Variants in SOX5 observed in about 807,000 individuals in gnomAD.
SOX5 encodes transcription factor SOX-5.
SOX5 carries 9 observed loss-of-function variants against 92.0 expected under a neutral mutation model. The ratio of observed to expected loss-of-function variants is 0.10; its 90% CI spans 0.06 to 0.17. The LOEUF is 0.17. Among genes scored for constraint, SOX5 ranks in the 10% least tolerant of loss-of-function variants. The pLI, the probability that SOX5 is intolerant of heterozygous loss-of-function variation, is 1.00. For synonymous variants in SOX5, 344 were observed against 336.3 expected (o/e 1.02, Z -0.25); for missense variants, 642 against 944.5 (o/e 0.68, Z 4.20).
chr12:24,521,448 T>A (rs1010874348), intron 1 of SOX5, among the ~76,000 whole-genome samples: 3 of 152,160 alleles, frequency 2.0e-5, no homozygotes, highest in Non-Finnish European at 4.4e-5. Flanking sequence ...TAAAATACTA[T>A]GAATCAAATG....
intron 2 of SOX5, among the ~76,000 whole-genome samples, chr12:24,309,211 A>G (rs1595442598): frequency 6.6e-6 from 1 of 152,230 alleles, no homozygotes; most frequent in East Asian, 1.9e-4. Context: ...AATAGAAACA[A>G]CCGGCTTTTC....
chr12:24,098,629 G>T lies in SOX5; in HGVS notation c.-2+114714C>A, dbSNP rs573454575. ...GAATATCAGAATAAATCTAGAATAA[G>T]AACAAAAGCAAAATTTGCCCTAGTA... On this transcript the variant is annotated intron_variant, in intron 4 of 4. Coordinates refer to the SOX5 transcript ENST00000446891. 3.3e-5 allele frequency among the ~76,000 whole-genome samples: 5 copies of T among 152,198 alleles called. No homozygotes were observed. In the South Asian group the frequency reaches 1.0e-3, roughly 32 times the overall value.
chr12:24,131,661 T>G (rs1175005296), intron 4 of SOX5, among the ~76,000 whole-genome samples: 2 of 152,092 alleles, frequency 1.3e-5, no homozygotes, highest in African/African-American at 4.8e-5. Flanking sequence ...GAATATCAGG[T>G]GGATGATTTT....
chr12:23,805,472 T>C (rs114801606), intron 3 of SOX5, among the ~76,000 whole-genome samples: 3,604 of 152,226 alleles, frequency 0.024, 146 homozygotes, highest in African/African-American at 0.082. Context: ...TCTACTGTTA[T>C]CAAAAAGTAG....
chr12:23,869,064 C>T (rs1595206525), intron 2 of SOX5, among the ~76,000 whole-genome samples: 1 of 152,106 alleles, frequency 6.6e-6, no homozygotes, highest in Admixed American at 6.5e-5. Context: ...TCTGTATTTA[C>T]ATCAGTAAAA....
intron 4 of SOX5, among the ~76,000 whole-genome samples, chr12:23,988,636 G>T (rs1180750226): frequency 2.0e-5 from 3 of 152,170 alleles, no homozygotes; most frequent in Non-Finnish European, 4.4e-5. Flanking sequence ...AGTGCTATAA[G>T]TTAGGTATAG....
At chr12:24,531,798 A>G (rs190468505) in intron 1 of SOX5, among the ~76,000 whole-genome samples, 2 of 152,300 alleles carry the variant, frequency 1.3e-5, no homozygotes, top group African/African-American at 2.4e-5. Flanking sequence ...ACCATTTTCA[A>G]ATATAAAGCC....
chr12:24,036,596 C>A (rs556952244), intron 4 of SOX5, among the ~76,000 whole-genome samples: 1 of 152,218 alleles, frequency 6.6e-6, no homozygotes, highest in South Asian at 2.1e-4. Flanking sequence ...GTGCCCCTCA[C>A]ACAGTTGACA....
chr12:23,789,125 A>T (rs1244506448), intron 3 of SOX5, among the ~76,000 whole-genome samples: 4 of 152,018 alleles, frequency 2.6e-5, no homozygotes, highest in Non-Finnish European at 5.9e-5. Flanking sequence ...CACAGAAAAG[A>T]AAAGGAGGGC....
intron 1 of SOX5, chr12:24,407,524 T>C (rs549100254): frequency 6.6e-6 from 1 of 152,178 alleles, no homozygotes. Context: ...CTTCTGAGGA[T>C]CCTCCTGAAG....
At chr12:24,272,457 C>A (rs1943884814) in intron 3 of SOX5, among the ~76,000 whole-genome samples, 2 of 152,116 alleles carry the variant, frequency 1.3e-5, no homozygotes, top group African/African-American at 4.8e-5. Context: ...TTCTTGAACA[C>A]AGAAGGAAAG....
intron 3 of SOX5, among the ~76,000 whole-genome samples, chr12:23,811,642 G>A (rs1467163852): frequency 3.3e-5 from 5 of 152,036 alleles, no homozygotes; most frequent in African/African-American, 1.2e-4. Context: ...AGGCAAAATT[G>A]TTGAATATTA....
chr12:24,112,399 A>T (rs1019446504), intron 4 of SOX5, among the ~76,000 whole-genome samples: 4 of 152,002 alleles, frequency 2.6e-5, no homozygotes, highest in Non-Finnish European at 5.9e-5. Context: ...AGCCCTCAAA[A>T]CCTAAAATGT....
At chr12:24,139,139 A>G (rs1236517205) in intron 4 of SOX5, among the ~76,000 whole-genome samples, 2 of 152,210 alleles carry the variant, frequency 1.3e-5, no homozygotes, top group Non-Finnish European at 2.9e-5. Context: ...AAAAATTACC[A>G]TGTTATTATA....
At chr12:23,940,634 T>G (rs1359833062) in intron 1 of SOX5, among the ~76,000 whole-genome samples, 2 of 151,182 alleles carry the variant, frequency 1.3e-5, no homozygotes, top group Non-Finnish European at 3.0e-5. Flanking sequence ...AACATCTAGC[T>G]AATAGCGCTT....
At chr12:23,734,622 A>G in intron 6 of SOX5, 62 bp downstream of exon 6, 1 of 1,243,126 alleles carries the variant, frequency 8.0e-7, no homozygotes. Context: ...TAGGTATTTA[A>G]GGATAAGAAA....
At chr12:24,485,716 T>A (rs1241971939) in intron 1 of SOX5, among the ~76,000 whole-genome samples, 1 of 152,200 alleles carries the variant, frequency 6.6e-6, no homozygotes, top group Non-Finnish European at 1.5e-5. Context: ...CAGTAAGGCC[T>A]ATAATATGAT....
chr12:23,853,309 C>A (rs975980648), intron 2 of SOX5, among the ~76,000 whole-genome samples: 3 of 151,200 alleles, frequency 2.0e-5, no homozygotes, highest in African/African-American at 7.3e-5. Flanking sequence ...TAGAAATGCA[C>A]CAACATTTAG....
At chr12:24,271,368 C>T (rs1348460441) in intron 3 of SOX5, among the ~76,000 whole-genome samples, 1 of 152,116 alleles carries the variant, frequency 6.6e-6, no homozygotes, top group Non-Finnish European at 1.5e-5. Context: ...TTCTACTGGA[C>T]TATGTGAACT....
Sources: allele counts gnomAD v4.1 joint callset (sites outside exome capture counted in the v4.1 genomes callset), GRCh38; gene constraint gnomAD v4.1.1; transcripts MANE v1.5; gene names NCBI Gene and HGNC (gene_info 2026-07-23, HGNC 2026-07-21).